GRID2: variants seen among roughly 807,000 people sequenced by gnomAD.
GRID2 encodes glutamate receptor ionotropic, delta-2.
GRID2 carries 33 observed loss-of-function variants against 114.8 expected under a neutral mutation model. The ratio of observed to expected loss-of-function variants is 0.29; its 90% CI spans 0.22 to 0.38. The LOEUF is 0.38. Among genes scored for constraint, GRID2 ranks in the 10% least tolerant of loss-of-function variants. The pLI is 1.00. For missense variants in GRID2, 1,184 were observed against 1,257.7 expected, an observed-to-expected ratio of 0.94 and a Z score of 0.89; for synonymous variants, 505 against 449.9, an observed-to-expected ratio of 1.12 and a Z score of -1.55.
At chr4:93,484,394 G>A (rs954079397) in intron 11 of GRID2, among the ~76,000 whole-genome samples, 1 of 151,790 alleles carries the variant, frequency 6.6e-6, no homozygotes, top group Non-Finnish European at 1.5e-5. Context: ...ACCCATTAAT[G>A]GTGTTGTTTA....
At position 93,661,599 on chromosome 4, in the gene GRID2, A is replaced by G. The variant is rs141311936; in HGVS notation, c.2360+35164A>G. On this transcript the variant is annotated intron_variant, in intron 14 of 15. Transcript: ENST00000282020. ...AAGCCTTCTATAAACAGAAACATGC[A>G]TAAAACAAGTTTACGGGTTAATCTG... Among the ~76,000 whole-genome samples the G allele has an allele frequency of 3.5e-3, 534 of 152,326 alleles. 2 individuals carry two copies. The highest frequency in any genetic ancestry group is 0.012 in the African/African-American group (513 of 41,558).
At position 93,428,145 on chromosome 4, in the gene GRID2, A is replaced by G. The variant is rs995491825; in HGVS notation, c.1545+5177A>G. Among the ~76,000 whole-genome samples, 11 of 152,096 alleles carry G rather than the reference A, an allele frequency of 7.2e-5. No homozygotes were observed. The East Asian group carries it at 1.7e-3, about 24-fold the overall frequency. ...CAGAAGCTTTTAAAGTGGAGTATTT[A>G]GGGGTATTAGAAGACTTTCCAAGGG... is the stretch of plus-strand genomic sequence containing the variant. On this transcript the variant is annotated intron_variant, in intron 10 of 15. Transcript: ENST00000282020.
At chr4:92,611,092 ATG>A (rs1400349996) in intron 2 of GRID2, among the ~76,000 whole-genome samples, 16 of 135,214 alleles carry the variant, frequency 1.2e-4, no homozygotes, top group East Asian at 4.8e-4. Flanking sequence ...GTGTATATAT[ATG>A]TGTGTGTGTA....
intron 4 of GRID2, among the ~76,000 whole-genome samples, chr4:93,146,277 A>G (rs1304437124): frequency 2.0e-5 from 3 of 152,172 alleles, no homozygotes; most frequent in African/African-American, 4.8e-5. Flanking sequence ...AGTTAATTCT[A>G]TTTGGCAGTG....
At chr4:92,692,504 A>T (rs1312819340) in intron 2 of GRID2, among the ~76,000 whole-genome samples, 1 of 152,190 alleles carries the variant, frequency 6.6e-6, no homozygotes, top group East Asian at 1.9e-4. Context: ...GCACTTTAAG[A>T]TCCATCTAAG....
intron 2 of GRID2, among the ~76,000 whole-genome samples, chr4:93,079,582 A>C (rs1377129336): frequency 6.6e-6 from 1 of 152,018 alleles, no homozygotes; most frequent in Non-Finnish European, 1.5e-5. Flanking sequence ...GCCATTTACT[A>C]GTGTTACAGA....
At chr4:92,558,329 C>T (rs551394374) in intron 1 of GRID2, among the ~76,000 whole-genome samples, 1 of 152,158 alleles carries the variant, frequency 6.6e-6, no homozygotes, top group Admixed American at 6.6e-5. Flanking sequence ...ATGTCATTCT[C>T]CTAATCAAAA....
chr4:93,474,273 A>G (rs890717996), intron 11 of GRID2, among the ~76,000 whole-genome samples: 4 of 152,166 alleles, frequency 2.6e-5, no homozygotes, highest in African/African-American at 9.6e-5. Context: ...CTCTGAGGAC[A>G]GAATTATTCA....
At chr4:93,542,204 G>T (rs1253080631) in intron 13 of GRID2, among the ~76,000 whole-genome samples, 1 of 152,114 alleles carries the variant, frequency 6.6e-6, no homozygotes, top group African/African-American at 2.4e-5. Flanking sequence ...TGTCTCCTCT[G>T]TTGTATTCAT....
At chr4:93,532,590 G>A (rs1731556433) in intron 13 of GRID2, among the ~76,000 whole-genome samples, 1 of 152,142 alleles carries the variant, frequency 6.6e-6, no homozygotes, top group South Asian at 2.1e-4. Flanking sequence ...TGCTTGAATT[G>A]TGAAGCTCAA....
intron 12 of GRID2, among the ~76,000 whole-genome samples, chr4:93,503,330 A>G (rs1728307397): frequency 6.6e-6 from 1 of 152,060 alleles, no homozygotes; most frequent in Admixed American, 6.6e-5. Flanking sequence ...AATTCTTTTT[A>G]TTTTATTATT....
intron 1 of GRID2, among the ~76,000 whole-genome samples, chr4:92,540,963 A>G (rs988325828): frequency 6.6e-6 from 1 of 152,236 alleles, no homozygotes; most frequent in African/African-American, 2.4e-5. Context: ...CTATGCAGCC[A>G]TAAAAACGGA....
At chr4:93,040,544 A>G (rs1159415984) in intron 2 of GRID2, among the ~76,000 whole-genome samples, 1 of 152,124 alleles carries the variant, frequency 6.6e-6, no homozygotes, top group Admixed American at 6.6e-5. Context: ...ATTATCAGTA[A>G]GAACAATTAG....
In GRID2 at chr4:93,630,856, C is replaced by T. The variant is rs1270960790; in HGVS notation, c.2360+4421C>T. Among the ~76,000 whole-genome samples, 3 of 152,098 alleles carry T rather than the reference C, an allele frequency of 2.0e-5. No individual in the cohort carries two copies. In the East Asian group the frequency reaches 5.8e-4, roughly 29 times the overall value. The stretch of plus-strand genomic sequence containing the variant: ...AAATTCAAAATTTCTGATTTCATAT[C>T]CAGTTTTCTGGTCACTGTACATTCT... On this transcript the variant is annotated intron_variant, in intron 14 of 15. Transcript: ENST00000282020.
intron 1 of GRID2, among the ~76,000 whole-genome samples, chr4:92,461,892 A>G (rs1721515969): frequency 6.6e-6 from 1 of 152,010 alleles, no homozygotes; most frequent in Admixed American, 6.6e-5. Flanking sequence ...AGAAGTGTCT[A>G]CTGCAACTTT....
At chr4:93,433,755 T>G (rs943985592) in intron 10 of GRID2, among the ~76,000 whole-genome samples, 5 of 152,194 alleles carry the variant, frequency 3.3e-5, no homozygotes, top group Non-Finnish European at 7.3e-5. Flanking sequence ...GATTTTCCAG[T>G]GTCCTTTAAT....
At chr4:92,435,064 CTA>C (rs1560627101) in intron 1 of GRID2, among the ~76,000 whole-genome samples, 1 of 152,082 alleles carries the variant, frequency 6.6e-6, no homozygotes, top group African/African-American at 2.4e-5. Context: ...AGTATATCTT[CTA>C]TGTTTCATTT....
intron 8 of GRID2, among the ~76,000 whole-genome samples, chr4:93,330,517 ATTTGT>A (rs1192623384): frequency 6.6e-6 from 1 of 152,198 alleles, no homozygotes; most frequent in Non-Finnish European, 1.5e-5. Context: ...TTTATTTAGT[ATTTGT>A]TTTAACACAT....
At chr4:92,683,290 C>A (rs1560530641) in intron 2 of GRID2, among the ~76,000 whole-genome samples, 1 of 151,822 alleles carries the variant, frequency 6.6e-6, no homozygotes, top group Admixed American at 6.6e-5. Flanking sequence ...AAGAGTGAGA[C>A]TCCATATCAG....
Sources: gnomAD v4.1 joint callset for allele counts (sites outside exome capture counted in the v4.1 genomes callset) on GRCh38, gnomAD v4.1.1 for gene constraint, MANE v1.5 for transcripts, NCBI Gene and HGNC (gene_info 2026-07-23, HGNC 2026-07-21) for gene names.